The following EYS variants were observed in gnomAD, a reference collection of about 807,000 sequenced individuals.
The protein encoded by EYS is EGF-like photoreceptor maintenance factor.
EYS carries 250 observed loss-of-function variants against 282.1 expected under a neutral mutation model. The ratio of observed to expected loss-of-function variants is 0.89; its 90% CI spans 0.80 to 0.98. EYS has a LOEUF of 0.98. EYS is among the 50% of genes least tolerant of loss of function. The probability of loss-of-function intolerance (pLI) is 0.00; values close to 1 mark genes in which losing one functional copy is unlikely to be tolerated. For synonymous variants in EYS, 1,355 were observed against 1,282.9 expected, an observed-to-expected ratio of 1.06 and a Z score of -1.20; for missense variants, 4,016 against 3,709.0, an observed-to-expected ratio of 1.08 and a Z score of -2.15.
intron 33 of EYS, among the ~76,000 whole-genome samples, chr6:64,018,673 C>T (rs1251728367): frequency 2.1e-5 from 3 of 140,444 alleles, no homozygotes; most frequent in African/African-American, 5.3e-5. Flanking sequence ...GGAAAAGGGT[C>T]TTTGCAAATG....
At chr6:63,898,258 G>T (rs974774044) in intron 35 of EYS, among the ~76,000 whole-genome samples, 1 of 152,150 alleles carries the variant, frequency 6.6e-6, no homozygotes, top group Admixed American at 6.5e-5. Context: ...GGAGGCTGAG[G>T]CGGGTGGGTC....
At chr6:64,126,900 G>T (rs1773805347) in intron 31 of EYS, among the ~76,000 whole-genome samples, 1 of 151,874 alleles carries the variant, frequency 6.6e-6, no homozygotes, top group African/African-American at 2.4e-5. Context: ...TAGGGTGTCT[G>T]ATCTATTCCA....
chr6:65,484,645 C>T (rs1314557646), intron 5 of EYS, among the ~76,000 whole-genome samples: 2 of 152,134 alleles, frequency 1.3e-5, no homozygotes, highest in Non-Finnish European at 2.9e-5. Context: ...CACAATGTTT[C>T]CAGGCTGCCA....
chr6:65,371,580 A>C (rs992113459), intron 8 of EYS, among the ~76,000 whole-genome samples: 1 of 151,968 alleles, frequency 6.6e-6, no homozygotes, highest in Non-Finnish European at 1.5e-5. Context: ...TTCCAGGATG[A>C]TATCAATGTT....
At chr6:64,495,094 A>G (rs1776851007) in intron 26 of EYS, among the ~76,000 whole-genome samples, 1 of 151,690 alleles carries the variant, frequency 6.6e-6, no homozygotes, top group Non-Finnish European at 1.5e-5. Flanking sequence ...CTCTCAGTAG[A>G]CTGAATAAAT....
chr6:64,339,624 A>C (rs559977634), intron 29 of EYS, among the ~76,000 whole-genome samples: 1 of 152,032 alleles, frequency 6.6e-6, no homozygotes, highest in East Asian at 1.9e-4. Flanking sequence ...CAATCCCACT[A>C]CTGGGTATCT....
intron 30 of EYS, among the ~76,000 whole-genome samples, chr6:64,305,058 T>G (rs1769387593): frequency 6.6e-6 from 1 of 152,164 alleles, no homozygotes; most frequent in African/African-American, 2.4e-5. Context: ...TGACAAATCT[T>G]TAGTTAGATG....
rs543365448 is a variant in EYS at position 65,259,169 on chromosome 6, G to T, written c.2023+36694C>A. Among the ~76,000 whole-genome samples, 3 of 152,114 alleles carry T rather than the reference G, an allele frequency of 2.0e-5. No individual in the cohort carries two copies. The South Asian group carries it at 6.2e-4, about 32-fold the overall frequency. On this transcript the variant is annotated intron_variant, in intron 12 of 42. Coordinates refer to ENST00000503581, the MANE Select transcript of EYS (RefSeq NM_001142800.2). ...ACATATACCTATTGAAGTAAGTTGA[G>T]ACTTTGGTCAATGAAAAGTGAAAGG...
intron 14 of EYS, among the ~76,000 whole-genome samples, chr6:64,948,569 TTAATATTA>T (rs1036046493): frequency 5.7e-5 from 8 of 140,452 alleles, no homozygotes; most frequent in Non-Finnish European, 1.3e-4. Flanking sequence ...ATTTAATATT[TTAATATTA>T]AATATTAAGT....
intron 2 of EYS, among the ~76,000 whole-genome samples, chr6:65,557,337 C>G (rs1322461242): frequency 1.3e-5 from 2 of 152,202 alleles, no homozygotes; most frequent in Non-Finnish European, 2.9e-5. Context: ...GGTCCAGCCA[C>G]TGCATACAGG....
intron 22 of EYS, among the ~76,000 whole-genome samples, chr6:64,659,464 A>T (rs1768905062): frequency 6.6e-6 from 1 of 151,954 alleles, no homozygotes; most frequent in Admixed American, 6.6e-5. Flanking sequence ...TTTTGAAAAG[A>T]TCAACAAAAT....
rs770430429 is a variant in EYS, at chr6:64,591,592, A to G, written c.4275T>C (p.Thr1425=). ...QTVALSATPT[T]SVIRSIPGAD... is the part of the protein sequence containing the mutation. The stretch of plus-strand genomic sequence containing the variant: ...CCCCTGGAATGCTTCTAATTACTGA[A>G]GTCGTTGGGGTAGCAGATAAAGCAA... Residue 1425 remains threonine (T), a synonymous_variant, in exon 26 of 43, where the codon ACT becomes ACC. Coordinates refer to ENST00000503581, the MANE Select transcript of EYS (RefSeq NM_001142800.2). 51 of 1,551,118 alleles carry G rather than the reference A, an allele frequency of 3.3e-5. No homozygotes were observed. The highest frequency in any genetic ancestry group is 4.3e-5 in the Non-Finnish European group (49 of 1,146,738).
At chr6:65,160,040 C>T (rs1370558258) in intron 12 of EYS, among the ~76,000 whole-genome samples, 1 of 150,960 alleles carries the variant, frequency 6.6e-6, no homozygotes, top group Non-Finnish European at 1.5e-5. Flanking sequence ...ATTTCTGCCA[C>T]AATTTGATTT....
intron 5 of EYS, among the ~76,000 whole-genome samples, chr6:65,468,625 G>T (rs1490100802): frequency 6.6e-6 from 1 of 151,666 alleles, no homozygotes; most frequent in East Asian, 1.9e-4. Context: ...TTAAGTATTT[G>T]GGTGCCTTTG....
At chr6:65,216,184 G>A (rs139683812) in intron 12 of EYS, among the ~76,000 whole-genome samples, 1 of 152,068 alleles carries the variant, frequency 6.6e-6, no homozygotes, top group Admixed American at 6.6e-5. Context: ...ATATAATTAA[G>A]TTCATCTTTT....
intron 26 of EYS, among the ~76,000 whole-genome samples, chr6:64,450,759 T>A (rs1216838833): frequency 1.3e-5 from 2 of 152,114 alleles, no homozygotes; most frequent in Non-Finnish European, 2.9e-5. Flanking sequence ...GAATGACTAC[T>A]GGGTACATAA....
intron 29 of EYS, among the ~76,000 whole-genome samples, chr6:64,374,643 A>G (rs1306656566): frequency 6.6e-6 from 1 of 152,154 alleles, no homozygotes; most frequent in East Asian, 1.9e-4. Flanking sequence ...TTCTCAGATG[A>G]TCAGCCTTAC....
chr6:65,653,342 T>C (rs75278565), intron 1 of EYS, among the ~76,000 whole-genome samples: 51 of 151,960 alleles, frequency 3.4e-4, no homozygotes, highest in African/African-American at 1.2e-3. Context: ...GGGGACCAAA[T>C]TATCAAATAA....
At chr6:64,040,706 A>C (rs1015314822) in intron 33 of EYS, among the ~76,000 whole-genome samples, 3 of 152,230 alleles carry the variant, frequency 2.0e-5, no homozygotes, top group African/African-American at 7.2e-5. Context: ...ACTGATTTAC[A>C]CATTGTCTAT....
Sources: gnomAD v4.1 joint callset for allele counts (sites outside exome capture counted in the v4.1 genomes callset) on GRCh38, gnomAD v4.1.1 for gene constraint, MANE v1.5 for transcripts, NCBI Gene and HGNC (gene_info 2026-07-23, HGNC 2026-07-21) for gene names.